Variants in P2RX7 observed in about 807,000 individuals in gnomAD.
The protein encoded by P2RX7 is P2X purinoceptor 7.
In P2RX7, 62 loss-of-function variants were observed where a neutral mutation model predicts 71.6. The ratio of observed to expected loss-of-function variants is 0.87; its 90% CI spans 0.71 to 1.07. The LOEUF (loss-of-function observed/expected upper bound fraction) is 1.07, where lower values mean the gene tolerates loss of function less well. Ranked by LOEUF, P2RX7 falls within the 50% of genes least tolerant of loss-of-function variation. The pLI, the probability that P2RX7 is intolerant of heterozygous loss-of-function variation, is 0.00. For synonymous variants in P2RX7, 299 were observed against 283.3 expected (o/e 1.06, Z -0.56); for missense variants, 686 against 748.5 (o/e 0.92, Z 0.97).
chr12:121,164,541 C>G lies in P2RX7; in HGVS notation c.534-816C>G, dbSNP rs149658365. Among the ~76,000 whole-genome samples, 683 of 152,068 alleles carry G rather than the reference C, an allele frequency of 4.5e-3. 5 individuals carry two copies. Among genetic ancestry groups the G allele is most frequent in the African/African-American group, 0.016 (647 of 41,488 alleles). ...CACGCCTGTAATCCCAACACTTTGG[C>G]AGGCTGAGGCAGGCGGATCACTTGA... On this transcript the variant is annotated intron_variant, in intron 5 of 12. Coordinates refer to ENST00000328963, the MANE Select transcript of P2RX7 (RefSeq NM_002562.6).
chr12:121,159,417 C>CAAAAAAAAAAAAAAAAAAAAAAAA (rs397850013), intron 3 of P2RX7, among the ~76,000 whole-genome samples: 1 of 65,768 alleles, frequency 1.5e-5, no homozygotes. Flanking sequence ...ACTCTGTCTC[C>CAAAAAAAAAAAAAAAAAAAAAAAA]AAAAAAAAAA....
rs563314505 is a variant in P2RX7, at chr12:121,149,017, C to T, written c.126-5768C>T. 5.5e-5 allele frequency: 30 copies of T among 546,982 alleles called. No individual in the cohort carries two copies. The East Asian group carries it at 6.1e-4, about 11-fold the overall frequency. 33.9% of individuals were successfully genotyped at this position (546,982 alleles called of 1,614,324 possible). On this transcript the variant is annotated intron_variant, in intron 1 of 12. Transcript: ENST00000328963. The surrounding 1 kb of genome is among the most constrained non-coding windows in gnomAD (Gnocchi z 4.7). ...CGCTGGAAGCCCAGGGGCTGTAAGA[C>T]GGAGAGGAACTTTGCTGAAAGGGAG... is the stretch of plus-strand genomic sequence containing the variant.
intron 9 of P2RX7, among the ~76,000 whole-genome samples, chr12:121,176,479 A>G (rs1054278116): frequency 2.6e-5 from 4 of 152,192 alleles, no homozygotes; most frequent in South Asian, 2.1e-4. Flanking sequence ...TGGGCCGGGC[A>G]CGGTGGCTCA....
intron 1 of P2RX7, among the ~76,000 whole-genome samples, chr12:121,135,914 G>A (rs1873439020): frequency 6.8e-6 from 1 of 146,392 alleles, no homozygotes; most frequent in Non-Finnish European, 1.5e-5. Flanking sequence ...TGAGACAGGA[G>A]AATCACTTGA....
intron 3 of P2RX7, among the ~76,000 whole-genome samples, chr12:121,157,489 C>T (rs1878811069): frequency 6.6e-6 from 1 of 152,210 alleles, no homozygotes; most frequent in Admixed American, 6.5e-5. Flanking sequence ...CAGATGAAAT[C>T]TCTGACAGCC....
At chr12:121,159,832 C>T (rs1221183188) in intron 3 of P2RX7, among the ~76,000 whole-genome samples, 2 of 152,210 alleles carry the variant, frequency 1.3e-5, no homozygotes, top group Non-Finnish European at 2.9e-5. Flanking sequence ...GTCTCCGCAC[C>T]TGTTTGCCCT....
At chr12:121,168,782 G>A (rs553220400) in intron 8 of P2RX7, among the ~76,000 whole-genome samples, 1 of 152,234 alleles carries the variant, frequency 6.6e-6, no homozygotes, top group Admixed American at 6.5e-5. Flanking sequence ...ACGCCTCCAT[G>A]ATTGAATATT....
At position 121,184,432 on chromosome 12, in the gene P2RX7, GC is replaced by G; in HGVS notation, c.1422del (p.Val475SerfsTer131). On this transcript the variant is annotated frameshift_variant, in exon 13 of 13. Coordinates refer to ENST00000328963, the MANE Select transcript of P2RX7 (RefSeq NM_002562.6). LOFTEE classifies it high-confidence loss of function. ...GAGGCGACTCCTAGATCCAGGGATA[GC>G]CCCGTCTGGTGCCAGTGTGGAAGCT... ...RKEATPRSRDSPVWCQCGSCL... is the reference protein window; with the variant it reads ...RKEATPRSRDXPVWCQCGSCL... 1 of 1,614,184 alleles carries G rather than the reference GC, an allele frequency of 6.2e-7. No homozygotes were observed. The highest frequency in any genetic ancestry group is 1.1e-5 in the South Asian group (1 of 91,086).
intron 1 of P2RX7, among the ~76,000 whole-genome samples, chr12:121,148,110 G>C (rs1274424086): frequency 1.3e-5 from 2 of 152,064 alleles, no homozygotes; most frequent in Non-Finnish European, 2.9e-5. Context: ...ATATCTATTT[G>C]TGTGTCTAGG....
Position 121,167,544 on chromosome 12 carries a change from T to C in P2RX7, c.801T>C (p.His267=). The C allele has an allele frequency of 6.2e-7, 1 of 1,613,810 alleles. No homozygotes were observed. Among genetic ancestry groups the C allele is most frequent in the East Asian group, 2.2e-5 (1 of 44,836 alleles). Residue 267 remains histidine, a synonymous_variant, in exon 8 of 13, where the codon CAT becomes CAC. Transcript: ENST00000328963. ...ACTGCAACCTAGACCGTTGGTTCCA[T>C]CACTGCCGTCCCAAATACAGTTTCC... The part of the protein sequence containing the change: ...YWDCNLDRWF[H]HCRPKYSFRR...
chr12:121,145,974 TATC>T lies in P2RX7; in HGVS notation c.126-8801_126-8799del, dbSNP rs1876097275. Among the ~76,000 whole-genome samples, 2 of 152,182 alleles carry T rather than the reference TATC, an allele frequency of 1.3e-5. 1 individual carries two copies. The highest frequency in any genetic ancestry group is 4.2e-4 in the South Asian group (2 of 4,808). On this transcript the variant is annotated intron_variant, in intron 1 of 12. Transcript: ENST00000328963. The stretch of plus-strand genomic sequence containing the variant: ...GGAAGTTGATGGGATAAATGAAAAT[TATC>T]ATCATCATCTTCCTCACCATCACCA...
chr12:121,136,023 A>AAAAAAATAT, intron 1 of P2RX7, among the ~76,000 whole-genome samples: 1 of 15,262 alleles, frequency 6.6e-5, no homozygotes, highest in African/African-American at 1.2e-4. Flanking sequence ...AAAAAAAAAA[A>AAAAAAATAT]ATATATATAT....
At chr12:121,148,610 T>C (rs1876746274) in intron 1 of P2RX7, among the ~76,000 whole-genome samples, 1 of 152,188 alleles carries the variant, frequency 6.6e-6, no homozygotes, top group African/African-American at 2.4e-5. Context: ...AAAGAATAAA[T>C]TAGTGTTGTT....
intron 1 of P2RX7, among the ~76,000 whole-genome samples, chr12:121,151,189 T>A (rs1390732191): frequency 1.3e-5 from 2 of 151,854 alleles, no homozygotes; most frequent in Non-Finnish European, 2.9e-5. Flanking sequence ...ACCTGTGAAA[T>A]AGCCACTGTG....
intron 8 of P2RX7, among the ~76,000 whole-genome samples, chr12:121,172,444 C>G (rs1448304456): frequency 6.6e-6 from 1 of 152,174 alleles, no homozygotes; most frequent in East Asian, 1.9e-4. Context: ...GCCTGGGCAA[C>G]ACAGTGAGAC....
rs1166631902 is a variant in P2RX7, at chr12:121,184,571, C to T, written c.1557C>T (p.Ser519=). The T allele has an allele frequency of 2.5e-6, 4 of 1,614,186 alleles. No homozygotes were observed. Among genetic ancestry groups the T allele is most frequent in the African/African-American group, 2.7e-5 (2 of 75,070 alleles). ...TSELFRKLVL[S]RHVLQFLLLY... ...AGCTGTTCAGGAAGCTGGTCCTGTCCAGACACGTCCTGCAGTTCCTCCTGC... is the reference window on the plus strand; with the variant it reads ...AGCTGTTCAGGAAGCTGGTCCTGTCTAGACACGTCCTGCAGTTCCTCCTGC... Residue 519 remains serine (S), a synonymous_variant, in exon 13 of 13, where the codon TCC becomes TCT. Transcript: ENST00000328963.
At chr12:121,148,231 T>TA (rs56242622) in intron 1 of P2RX7, among the ~76,000 whole-genome samples, 2 of 149,884 alleles carry the variant, frequency 1.3e-5, no homozygotes, top group African/African-American at 4.9e-5. Context: ...TTTATTTATT[T>TA]TGAGACAGAG....
intron 1 of P2RX7, among the ~76,000 whole-genome samples, chr12:121,139,544 T>C (rs1245969746): frequency 2.0e-5 from 3 of 152,170 alleles, no homozygotes; most frequent in Non-Finnish European, 4.4e-5. Context: ...GCTGCTGTGC[T>C]AGTTTGTGGC....
intron 12 of P2RX7, 95 bp downstream of exon 12, chr12:121,180,550 A>AT: frequency 1.7e-6 from 1 of 601,308 alleles, no homozygotes; most frequent in Non-Finnish European, 2.9e-6. Context: ...AAACTGATGG[A>AT]TTTTAACAAA....
Sources: gnomAD v4.1 joint callset for allele counts (sites outside exome capture counted in the v4.1 genomes callset) on GRCh38, gnomAD v4.1.1 for gene constraint, Gnocchi (gnomAD v3.1) non-coding constraint, MANE v1.5 for transcripts, NCBI Gene and HGNC (gene_info 2026-07-23, HGNC 2026-07-21) for gene names.